CSRP2: variants seen among roughly 807,000 people sequenced by gnomAD.
CSRP2 encodes cysteine and glycine rich protein 2.
In CSRP2, 18 loss-of-function variants were observed where a neutral mutation model predicts 24.6. The observed-to-expected ratio is 0.73, with a 90% confidence interval of 0.51 to 1.09. CSRP2 has a LOEUF of 1.09. Ranked by LOEUF, CSRP2 falls within the 50% of genes least tolerant of loss-of-function variation. The pLI is 0.00. For missense variants in CSRP2, 215 were observed against 239.4 expected (o/e 0.90, Z 0.67); for synonymous variants, 87 against 84.3 (o/e 1.03, Z -0.18).
intron 1 of CSRP2, among the ~76,000 whole-genome samples, chr12:76,870,975 C>CTAAA (rs1953790145): frequency 1.7e-5 from 1 of 57,180 alleles, no homozygotes; most frequent in Non-Finnish European, 2.9e-5. Flanking sequence ...GACCCTGTCT[C>CTAAA]AAAAAAAAAA....
At chr12:76,869,253 T>TAGGA (rs1245528364) in intron 1 of CSRP2, among the ~76,000 whole-genome samples, 1 of 152,062 alleles carries the variant, frequency 6.6e-6, no homozygotes, top group African/African-American at 2.4e-5. Flanking sequence ...TTTATGGTGG[T>TAGGA]ACTAATCCAT....
chr12:76,860,220 G>T, intron 4 of CSRP2, 64 bp downstream of exon 4: 8 of 1,570,102 alleles, frequency 5.1e-6, no homozygotes, highest in Admixed American at 1.7e-5. Flanking sequence ...AATGTGGAAG[G>T]GTTAGGGGAG....
intron 5 of CSRP2, 41 bp downstream of exon 5, chr12:76,859,506 G>A: frequency 1.5e-6 from 2 of 1,302,868 alleles, no homozygotes; most frequent in Non-Finnish European, 2.2e-6. Context: ...GAACCAGTGT[G>A]GAATATTCAT....
At chr12:76,876,665 C>A (rs559479125) in intron 1 of CSRP2, among the ~76,000 whole-genome samples, 1 of 152,294 alleles carries the variant, frequency 6.6e-6, no homozygotes, top group African/African-American at 2.4e-5. Flanking sequence ...CAACAGAACC[C>A]AAGGGATGGC....
At chr12:76,866,082 T>TA in intron 2 of CSRP2, 67 bp downstream of exon 2, 1 of 1,228,956 alleles carries the variant, frequency 8.1e-7, no homozygotes, top group Non-Finnish European at 1.2e-6. Context: ...AATTTTTCCT[T>TA]AAATAGACAT....
chr12:76,867,518 A>G (rs1482690263), intron 1 of CSRP2, among the ~76,000 whole-genome samples: 1 of 152,018 alleles, frequency 6.6e-6, no homozygotes, highest in Non-Finnish European at 1.5e-5. Flanking sequence ...AAAAGAAAAA[A>G]GCCTGGTTCT....
Position 76,863,363 on chromosome 12 carries a change from G to A in CSRP2, c.113-19C>T. The A allele has an allele frequency of 6.2e-7, 1 of 1,612,476 alleles. No individual in the cohort carries two copies. The highest frequency in any genetic ancestry group is 8.5e-7 in the Non-Finnish European group (1 of 1,179,246). ...CAAACCACTGCAGGGGAAAAAGTTA[G>A]ACTTTACACATGTTCCAAAGATGCC... On this transcript the variant is annotated intron_variant, in intron 2 of 5. Transcript: ENST00000311083.
At chr12:76,869,009 G>A (rs767120083) in intron 1 of CSRP2, among the ~76,000 whole-genome samples, 10 of 151,612 alleles carry the variant, frequency 6.6e-5, no homozygotes, top group Non-Finnish European at 1.2e-4. Context: ...AGTCTGTTTC[G>A]TGTTGCTATA....
chr12:76,863,432 T>C lies in CSRP2; in HGVS notation c.113-88A>G, dbSNP rs181803072. The C allele has an allele frequency of 2.9e-4, 389 of 1,339,450 alleles. 1 individual carries two copies. In the African/African-American group the frequency reaches 5.0e-3, roughly 17 times the overall value. The allele number at this position is 1,339,450 out of a possible 1,614,324, so 83.0% of individuals were successfully genotyped here. On this transcript the variant is annotated intron_variant, in intron 2 of 5. Transcript: ENST00000311083. ...GTGGCACAGACACATGGCCTACAAATGGTGAAGGCTGAGGCTCCCTCACAT... is the reference window on the plus strand; with the variant it reads ...GTGGCACAGACACATGGCCTACAAACGGTGAAGGCTGAGGCTCCCTCACAT...
At chr12:76,867,310 G>A (rs1953745146) in intron 1 of CSRP2, among the ~76,000 whole-genome samples, 1 of 132,468 alleles carries the variant, frequency 7.5e-6, no homozygotes, top group Admixed American at 8.5e-5. Flanking sequence ...CCAACATAGC[G>A]AAACCCCGTC....
At chr12:76,861,395 T>A (rs1196257635) in intron 3 of CSRP2, 1 of 148,742 alleles carries the variant, frequency 6.7e-6, no homozygotes, top group African/African-American at 2.5e-5. Context: ...AAAAGGAGGG[T>A]TCACTGGTCT....
intron 1 of CSRP2, among the ~76,000 whole-genome samples, chr12:76,871,507 A>G (rs1307430015): frequency 1.3e-5 from 2 of 152,200 alleles, no homozygotes; most frequent in Non-Finnish European, 2.9e-5. Flanking sequence ...GCGGTGGCTC[A>G]CGCCTGTAAT....
intron 1 of CSRP2, among the ~76,000 whole-genome samples, chr12:76,869,306 G>A (rs908237669): frequency 6.6e-6 from 1 of 152,050 alleles, no homozygotes; most frequent in Admixed American, 6.6e-5. Context: ...CTCCCATTAG[G>A]CCCAACTCCC....
intron 1 of CSRP2, among the ~76,000 whole-genome samples, chr12:76,873,375 A>G (rs970097787): frequency 6.6e-6 from 1 of 152,196 alleles, no homozygotes; most frequent in Admixed American, 6.5e-5. Context: ...CTTTCAGTTG[A>G]TGCCTGTTCT....
chr12:76,861,159 A>AC (rs1953672902), intron 3 of CSRP2: 1 of 150,318 alleles, frequency 6.7e-6, no homozygotes, highest in Non-Finnish European at 1.5e-5. Flanking sequence ...CTTTGAGAAG[A>AC]CTTTTTTTTT....
intron 1 of CSRP2, among the ~76,000 whole-genome samples, chr12:76,872,341 CT>C (rs1953807882): frequency 6.6e-6 from 1 of 152,176 alleles, no homozygotes; most frequent in Non-Finnish European, 1.5e-5. Flanking sequence ...CTCTAGATAA[CT>C]GTGGTAGGAG....
At chr12:76,878,275 A>G (rs1325774219) in intron 1 of CSRP2, 1 of 152,292 alleles carries the variant, frequency 6.6e-6, no homozygotes, top group Admixed American at 6.5e-5. Context: ...CCTGAATCGT[A>G]GAAAGTTCTG....
chr12:76,878,670 C>G lies in CSRP2; in HGVS notation c.-2+268G>C, dbSNP rs1164084057. Among the ~76,000 whole-genome samples, 8 of 152,254 alleles carry G rather than the reference C, an allele frequency of 5.3e-5. 1 individual carries two copies. Among genetic ancestry groups the G allele is most frequent in the Non-Finnish European group, 1.2e-4 (8 of 68,050 alleles). ...TTAAAGGTCATATAAGATTATTTAC[C>G]TGCCCCGCGGGCCTGGGATCCCAGG... On this transcript the variant is annotated intron_variant, in intron 1 of 5. Transcript: ENST00000311083.
At chr12:76,878,514 C>T (rs1469301501) in intron 1 of CSRP2, among the ~76,000 whole-genome samples, 5 of 152,158 alleles carry the variant, frequency 3.3e-5, no homozygotes, top group African/African-American at 9.7e-5. Context: ...AGAGGGGGCC[C>T]TGAGACTCCG....
Sources: gnomAD v4.1 joint callset for allele counts (sites outside exome capture counted in the v4.1 genomes callset) on GRCh38, gnomAD v4.1.1 for gene constraint, MANE v1.5 for transcripts, NCBI Gene and HGNC (gene_info 2026-07-23, HGNC 2026-07-21) for gene names.